FHIT: variants seen among roughly 807,000 people sequenced by gnomAD.
FHIT encodes the protein fragile histidine triad diadenosine triphosphatase.
Under a neutral mutation model 17.9 loss-of-function variants are expected in FHIT, and 19 were observed. The ratio of observed to expected loss-of-function variants is 1.06; its 90% confidence interval spans 0.74 to 1.56. The LOEUF (loss-of-function observed/expected upper bound fraction) is 1.56. Ranked by LOEUF, FHIT falls within the 40% of genes most tolerant of loss-of-function variation. The pLI, the probability that FHIT is intolerant of heterozygous loss-of-function variation, is 0.00. For missense variants in FHIT, 248 were observed against 189.2 expected (o/e 1.31, Z -1.82); for synonymous variants, 81 against 69.7 (o/e 1.16, Z -0.81).
chr3:60,890,221 T>TAAAAAAAAAAAAAAAAAAAAAAA (rs59950717), intron 3 of FHIT, among the ~76,000 whole-genome samples: 4 of 115,638 alleles, frequency 3.5e-5, no homozygotes, highest in Non-Finnish European at 5.1e-5. Context: ...TTCCATGATG[T>TAAAAAAAAAAAAAAAAAAAAAAA]AAAAAAAAAA....
intron 2 of FHIT, among the ~76,000 whole-genome samples, chr3:61,043,003 G>A (rs750740151): frequency 1.6e-4 from 24 of 152,184 alleles, no homozygotes; most frequent in East Asian, 3.9e-4. Flanking sequence ...CAAGATGGCC[G>A]AATAGGAACA....
At chr3:60,385,990 G>C (rs1412838762) in intron 5 of FHIT, among the ~76,000 whole-genome samples, 3 of 152,122 alleles carry the variant, frequency 2.0e-5, no homozygotes, top group East Asian at 3.9e-4. Flanking sequence ...GAACTCTTTA[G>C]AGCTGACTAT....
chr3:60,616,524 GTCT>G (rs1439567025), intron 4 of FHIT, among the ~76,000 whole-genome samples: 1 of 152,086 alleles, frequency 6.6e-6, no homozygotes, highest in Non-Finnish European at 1.5e-5. Flanking sequence ...AAAGTCAATT[GTCT>G]TCTTATTGCT....
At chr3:60,642,034 G>C (rs1271150894) in intron 4 of FHIT, among the ~76,000 whole-genome samples, 1 of 152,094 alleles carries the variant, frequency 6.6e-6, no homozygotes, top group Non-Finnish European at 1.5e-5. Flanking sequence ...CACTGCTACA[G>C]CCTTGAAGGG....
At chr3:60,206,138 A>AC (rs1419045458) in intron 5 of FHIT, among the ~76,000 whole-genome samples, 1 of 130,632 alleles carries the variant, frequency 7.7e-6, no homozygotes, top group Non-Finnish European at 1.6e-5. Context: ...GTCTCAAAAA[A>AC]AAAAAAAAAT....
intron 5 of FHIT, among the ~76,000 whole-genome samples, chr3:60,066,939 T>C (rs1449841302): frequency 6.6e-6 from 1 of 152,092 alleles, no homozygotes; most frequent in East Asian, 1.9e-4. Context: ...CCACTGCGCC[T>C]GACAGACAAA....
intron 3 of FHIT, among the ~76,000 whole-genome samples, chr3:60,884,489 G>T (rs1553758797): frequency 6.6e-6 from 1 of 152,048 alleles, no homozygotes; most frequent in African/African-American, 2.4e-5. Flanking sequence ...TGGATGAAAA[G>T]ATAAAGAAAA....
intron 5 of FHIT, among the ~76,000 whole-genome samples, chr3:60,145,641 T>C (rs549591830): frequency 1.1e-4 from 17 of 152,260 alleles, no homozygotes; most frequent in South Asian, 2.1e-4. Context: ...AGTAACAAAA[T>C]AGATGGTCCT....
At chr3:60,443,908 C>A (rs1414308864) in intron 5 of FHIT, among the ~76,000 whole-genome samples, 1 of 152,040 alleles carries the variant, frequency 6.6e-6, no homozygotes, top group African/African-American at 2.4e-5. Context: ...AACAGGCAAC[C>A]TACAGAATGG....
intron 4 of FHIT, among the ~76,000 whole-genome samples, chr3:60,583,145 T>C (rs1397637241): frequency 6.6e-6 from 1 of 151,910 alleles, no homozygotes; most frequent in African/African-American, 2.4e-5. Context: ...AAGGAGGTGA[T>C]TCGGGCAGAA....
In FHIT at chr3:59,899,686, CA is replaced by C. The variant is rs908655142; in HGVS notation, c.348+22659del. ...CCGTCTGTACTAAAATACAAAAAAA[CA>C]AAAAAAAAATTAGCTGGGTATGGCA... On this transcript the variant is annotated intron_variant, in intron 8 of 9. Coordinates refer to ENST00000492590, the MANE Select transcript of FHIT (RefSeq NM_002012.4). Among the ~76,000 whole-genome samples the C allele has an allele frequency of 5.6e-5, 8 of 141,874 alleles. No homozygotes were observed. In the East Asian group the frequency reaches 7.9e-4, roughly 14 times the overall value. 93.1% of individuals were successfully genotyped at this position (141,874 alleles called of 152,430 possible).
intron 3 of FHIT, among the ~76,000 whole-genome samples, chr3:60,926,364 T>C (rs1187056986): frequency 6.6e-6 from 1 of 152,112 alleles, no homozygotes; most frequent in Non-Finnish European, 1.5e-5. Context: ...ATCTCTCAGA[T>C]CACAGTGCAA....
Position 59,986,751 on chromosome 3 carries a change from T to TAAATATATAAATATATTATATAA in FHIT, c.279+24619_279+24620insTTATATAATATATTTATATATTT, listed in dbSNP as rs369620866. Among the ~76,000 whole-genome samples the TAAATATATAAATATATTATATAA allele has an allele frequency of 2.2e-4, 2 of 9,130 alleles. 1 individual carries two copies. Among genetic ancestry groups the TAAATATATAAATATATTATATAA allele is most frequent in the African/African-American group, 6.5e-4 (2 of 3,072 alleles). The allele number at this position is 9,130 out of a possible 152,430, so 6.0% of individuals were successfully genotyped here. ...ATATAAATATATACATATATTTATATATATATAAATATATTTATATAAATA... is the reference window on the plus strand; with the variant it reads ...ATATAAATATATACATATATTTATATAAATATATAAATATATTATATAAATATATAAATATATTTATATAAATA... On this transcript the variant is annotated intron_variant, in intron 7 of 9. Transcript: ENST00000492590.
In FHIT at chr3:60,245,363, A is replaced by G. The variant is rs546399288; in HGVS notation, c.104-231211T>C. On this transcript the variant is annotated intron_variant, in intron 5 of 9. Coordinates refer to ENST00000492590, the MANE Select transcript of FHIT (RefSeq NM_002012.4). ...GCCCATAGCATAAGCTCAACTTATAAGGAGGCTAGAAATGTTCTTAGAATC... is the reference window on the plus strand; with the variant it reads ...GCCCATAGCATAAGCTCAACTTATAGGGAGGCTAGAAATGTTCTTAGAATC... 3.3e-5 allele frequency among the ~76,000 whole-genome samples: 5 copies of G among 152,184 alleles called. 1 individual carries two copies. Among genetic ancestry groups the G allele is most frequent in the African/African-American group, 1.2e-4 (5 of 41,578 alleles).
chr3:60,788,172 G>A lies in FHIT; in HGVS notation c.-18+33747C>T, dbSNP rs573144482. Among the ~76,000 whole-genome samples the A allele has an allele frequency of 1.9e-3, 284 of 152,286 alleles. 2 individuals carry two copies. Among genetic ancestry groups the A allele is most frequent in the Non-Finnish European group, 2.9e-3 (199 of 68,028 alleles). On this transcript the variant is annotated intron_variant, in intron 4 of 9. Transcript: ENST00000492590. ...AAACAGCCAGTAGCACGTGCCTGTA[G>A]TTCTGGTTTCTCGGGAAGCTAAGGT...
intron 5 of FHIT, among the ~76,000 whole-genome samples, chr3:60,387,627 C>A (rs1337182918): frequency 1.3e-5 from 2 of 152,108 alleles, no homozygotes; most frequent in African/African-American, 4.8e-5. Context: ...CTTCTCCAAC[C>A]CTATGTCTCA....
chr3:60,169,070 C>G lies in FHIT; in HGVS notation c.104-154918G>C, dbSNP rs570151425. Among the ~76,000 whole-genome samples the G allele has an allele frequency of 3.3e-5, 5 of 152,280 alleles. No homozygotes were observed. In the South Asian group the frequency reaches 1.0e-3, roughly 32 times the overall value. The stretch of plus-strand genomic sequence containing the variant: ...GGATGACCTAGATTGTCAAAGGATT[C>G]TCTTCAACCAAATAAGAAAGTAAGT... On this transcript the variant is annotated intron_variant, in intron 5 of 9. Coordinates refer to ENST00000492590, the MANE Select transcript of FHIT (RefSeq NM_002012.4).
intron 5 of FHIT, among the ~76,000 whole-genome samples, chr3:60,041,171 C>T (rs1488063393): frequency 6.6e-6 from 1 of 152,158 alleles, no homozygotes; most frequent in East Asian, 1.9e-4. Context: ...TATTAGCAAC[C>T]TACCCTATGA....
At chr3:60,277,063 T>TA (rs34262673) in intron 5 of FHIT, among the ~76,000 whole-genome samples, 1 of 151,944 alleles carries the variant, frequency 6.6e-6, no homozygotes, top group Admixed American at 6.6e-5. Flanking sequence ...TTCAGTTACT[T>TA]AAAAAAAATC....
Sources: gnomAD v4.1 joint callset for allele counts (sites outside exome capture counted in the v4.1 genomes callset) on GRCh38, gnomAD v4.1.1 for gene constraint, MANE v1.5 for transcripts, NCBI Gene and HGNC (gene_info 2026-07-23, HGNC 2026-07-21) for gene names.